The following IFT74 variants were observed in gnomAD, a reference collection of about 807,000 sequenced individuals.
The protein encoded by IFT74 is intraflagellar transport 74.
In IFT74, 92 loss-of-function variants were observed where a neutral mutation model predicts 96.7. The ratio of observed to expected loss-of-function variants is 0.95; its 90% CI spans 0.80 to 1.13. The LOEUF (loss-of-function observed/expected upper bound fraction) is 1.13, where lower values mean the gene tolerates loss of function less well. Ranked by LOEUF, IFT74 falls within the 50% of genes most tolerant of loss-of-function variation. The pLI is 0.00. For synonymous variants in IFT74, 223 were observed against 213.2 expected (o/e 1.05, Z -0.40); for missense variants, 811 against 698.2 (o/e 1.16, Z -1.82).
intron 8 of IFT74, chr9:26,997,613 C>CAT (rs1828234341): frequency 9.0e-7 from 1 of 1,107,990 alleles, no homozygotes; most frequent in Non-Finnish European, 1.3e-6. Context: ...GGATTACAGG[C>CAT]ATGAGCCACT....
intron 13 of IFT74, among the ~76,000 whole-genome samples, chr9:27,031,979 G>A (rs1307316669): frequency 6.6e-6 from 1 of 151,884 alleles, no homozygotes; most frequent in Non-Finnish European, 1.5e-5. Context: ...CCTAAAGTGT[G>A]GGGATTACAG....
chr9:26,982,385 T>A, intron 4 of IFT74: 1 of 443,710 alleles, frequency 2.3e-6, no homozygotes, highest in South Asian at 1.6e-5. Context: ...TGCCTCAGCC[T>A]CGTGCCTGTA....
chr9:26,984,538 A>G lies in IFT74; in HGVS notation c.444A>G (p.Gly148=), dbSNP rs1827550635. ...TLAVEIKELQ[G]QLADYNMLVD... is the part of the protein sequence containing the mutation. ...CTGTTGAGATAAAAGAGCTTCAAGG[A>G]CAACTAGCAGACTACAACATGGTAT... is the stretch of plus-strand genomic sequence containing the variant. Residue 148 remains glycine (G), a synonymous_variant, in exon 6 of 20, where the codon GGA becomes GGG. Coordinates refer to ENST00000380062, the MANE Select transcript of IFT74 (RefSeq NM_025103.4). 5.6e-6 allele frequency: 9 copies of G among 1,612,210 alleles called. No homozygotes were observed. In the East Asian group the frequency reaches 2.0e-4, roughly 36 times the overall value.
intron 13 of IFT74, 89 bp downstream of exon 13, chr9:27,029,193 T>C: frequency 1.1e-6 from 1 of 882,528 alleles, no homozygotes; most frequent in Non-Finnish European, 1.7e-6. Flanking sequence ...ACTGTTCAAC[T>C]ACCTGGGATT....
rs908200548 is a variant in IFT74 at position 26,986,835 on chromosome 9, A to G, written c.466-1834A>G. On this transcript the variant is annotated intron_variant, in intron 6 of 19. Coordinates refer to ENST00000380062, the MANE Select transcript of IFT74 (RefSeq NM_025103.4). The stretch of plus-strand genomic sequence containing the variant: ...ATGGGGACTTGCTGTGTTGCCCACA[A>G]TGGTCTTGAACTCCTGGGCTCAAGT... 4.1e-5 allele frequency among the ~76,000 whole-genome samples: 6 copies of G among 148,148 alleles called. No homozygotes were observed. The South Asian group carries it at 6.5e-4, about 16-fold the overall frequency.
intron 13 of IFT74, among the ~76,000 whole-genome samples, chr9:27,035,343 A>G (rs753621137): frequency 3.9e-5 from 6 of 152,246 alleles, no homozygotes; most frequent in Non-Finnish European, 5.9e-5. Flanking sequence ...ATCCATTACT[A>G]TTCTGTGGTT....
intron 4 of IFT74, among the ~76,000 whole-genome samples, chr9:26,983,676 G>A (rs1247232661): frequency 6.6e-6 from 1 of 151,910 alleles, no homozygotes; most frequent in Non-Finnish European, 1.5e-5. Flanking sequence ...GTTTGACCAG[G>A]CTTTCATTCT....
intron 16 of IFT74, among the ~76,000 whole-genome samples, chr9:27,053,161 CTTTTTTTTTTT>C (rs58085385): frequency 2.2e-4 from 11 of 50,606 alleles, no homozygotes; most frequent in African/African-American, 8.7e-4. Context: ...CGCGCCTGGC[CTTTTTTTTTTT>C]TTTTTTTTTT....
intron 12 of IFT74, among the ~76,000 whole-genome samples, chr9:27,025,064 G>A (rs903638666): frequency 5.3e-5 from 8 of 151,782 alleles, no homozygotes; most frequent in African/African-American, 1.7e-4. Context: ...TGAGGAAGAA[G>A]ACAAACCTGT....
intron 2 of IFT74, among the ~76,000 whole-genome samples, chr9:26,971,071 A>G (rs1249331679): frequency 1.3e-5 from 2 of 152,220 alleles, no homozygotes; most frequent in Non-Finnish European, 2.9e-5. Context: ...CTATTAGTCT[A>G]AACCTGGGTA....
chr9:26,996,311 C>T (rs1828153009), intron 8 of IFT74: 2 of 1,565,524 alleles, frequency 1.3e-6, no homozygotes, highest in East Asian at 4.5e-5. Flanking sequence ...AGTATATTAC[C>T]TGAATTTCTT....
intron 3 of IFT74, among the ~76,000 whole-genome samples, chr9:26,980,028 T>G (rs1827302406): frequency 6.6e-6 from 1 of 152,152 alleles, no homozygotes; most frequent in African/African-American, 2.4e-5. Context: ...AATACTTTCT[T>G]AGTTCTACTG....
chr9:26,963,143 A>G (rs976859354), intron 2 of IFT74, among the ~76,000 whole-genome samples: 9 of 151,614 alleles, frequency 5.9e-5, no homozygotes, highest in African/African-American at 2.2e-4. Flanking sequence ...AGAGTGTGAT[A>G]TTCCCCTTCC....
chr9:27,010,179 C>T (rs919217288), intron 9 of IFT74, among the ~76,000 whole-genome samples: 21 of 151,284 alleles, frequency 1.4e-4, no homozygotes, highest in East Asian at 2.0e-4. Context: ...TTAGTAGGGA[C>T]GGGGTTTCAC....
At chr9:26,957,387 C>T (rs1370110885) in intron 1 of IFT74, among the ~76,000 whole-genome samples, 1 of 152,094 alleles carries the variant, frequency 6.6e-6, no homozygotes. Context: ...CTGGAAAAAC[C>T]ATTTTGATCA....
intron 6 of IFT74, among the ~76,000 whole-genome samples, chr9:26,984,896 G>C (rs1209712136): frequency 1.3e-5 from 2 of 152,150 alleles, no homozygotes; most frequent in Non-Finnish European, 2.9e-5. Context: ...AAGCAGTGTG[G>C]CGATTCCTCA....
At position 27,065,423 on chromosome 9, in the gene IFT74, A is replaced by T. The variant is rs1386567172; in HGVS notation, c.*2687A>T. ...GCTAAAATAACACCTTGTAAGTCAC[A>T]TGGAAAGAAGCTGCAGACTGAACAA... is the stretch of plus-strand genomic sequence containing the variant. On this transcript the variant is annotated 3_prime_UTR_variant, in exon 20 of 20. Coordinates refer to ENST00000380062, the MANE Select transcript of IFT74 (RefSeq NM_025103.4). Among the ~76,000 whole-genome samples, 1 of 152,176 alleles carries T rather than the reference A, an allele frequency of 6.6e-6. No individual in the cohort carries two copies. Among genetic ancestry groups the T allele is most frequent in the Non-Finnish European group, 1.5e-5 (1 of 68,022 alleles).
chr9:27,010,763 C>A (rs1039384388), intron 9 of IFT74, among the ~76,000 whole-genome samples: 3 of 152,006 alleles, frequency 2.0e-5, no homozygotes, highest in Non-Finnish European at 4.4e-5. Flanking sequence ...CCACTGTGCC[C>A]GGCCGAGATC....
chr9:27,060,331 T>C (rs1820357624), intron 18 of IFT74, among the ~76,000 whole-genome samples: 1 of 152,096 alleles, frequency 6.6e-6, no homozygotes, highest in East Asian at 1.9e-4. Context: ...TGTCTTTCAG[T>C]TGGCATGTTC....
Sources: gnomAD v4.1 joint callset for allele counts (sites outside exome capture counted in the v4.1 genomes callset) on GRCh38, gnomAD v4.1.1 for gene constraint, MANE v1.5 for transcripts, NCBI Gene and HGNC (gene_info 2026-07-23, HGNC 2026-07-21) for gene names.